Variants in UBXN7 observed in about 807,000 individuals in gnomAD.
UBXN7 encodes the protein UBX domain-containing protein 7.
A neutral mutation model predicts 58.0 loss-of-function variants in UBXN7; 9 were observed. That is an observed-to-expected ratio of 0.16 (90% confidence interval 0.09 to 0.27). The LOEUF is 0.27. Ranked by LOEUF, UBXN7 falls within the 10% of genes least tolerant of loss-of-function variation. UBXN7 has a pLI of 1.00. For missense variants in UBXN7, 328 were observed against 599.6 expected (o/e 0.55, Z 4.73); for synonymous variants, 208 against 205.0 (o/e 1.01, Z -0.12).
chr3:196,432,255 G>A, intron 1 of UBXN7, 72 bp downstream of exon 1: 19 of 1,586,520 alleles, frequency 1.2e-5, no homozygotes, highest in South Asian at 1.1e-4. Flanking sequence ...CTGAAGGTAA[G>A]GGGAAGCCCG....
chr3:196,396,679 C>T (rs1057292064), intron 3 of UBXN7, among the ~76,000 whole-genome samples: 1 of 152,026 alleles, frequency 6.6e-6, no homozygotes, highest in Non-Finnish European at 1.5e-5. Flanking sequence ...AGGAGAACAG[C>T]GTGAACCCAG....
At position 196,361,843 on chromosome 3, in the gene UBXN7, C is replaced by T; in HGVS notation, c.1308+1G>A. The T allele has an allele frequency of 6.2e-7, 1 of 1,613,268 alleles. No homozygotes were observed. Among genetic ancestry groups the T allele is most frequent in the Non-Finnish European group, 8.5e-7 (1 of 1,179,712 alleles). On this transcript the variant is annotated splice_donor_variant, in intron 10 of 10. Coordinates refer to ENST00000296328, the MANE Select transcript of UBXN7 (RefSeq NM_015562.2). LOFTEE classifies it high-confidence loss of function. Reference sequence around the variant, plus strand: ...CTGAACCAAAGCAAGCCTGTACTTACTAGCAGTTTAGCTTGCTCTGGAAGA... The same window carrying T: ...CTGAACCAAAGCAAGCCTGTACTTATTAGCAGTTTAGCTTGCTCTGGAAGA...
At chr3:196,367,938 T>A in intron 8 of UBXN7, 90 bp downstream of exon 8, 1 of 1,519,740 alleles carries the variant, frequency 6.6e-7, no homozygotes, top group Non-Finnish European at 8.9e-7. Context: ...AGTTAGATTA[T>A]CTTTACCATC....
At chr3:196,378,211 T>C (rs1729091264) in intron 5 of UBXN7, among the ~76,000 whole-genome samples, 1 of 152,168 alleles carries the variant, frequency 6.6e-6, no homozygotes, top group South Asian at 2.1e-4. Context: ...TGCTTATAGG[T>C]ACCAAATAAC....
chr3:196,410,391 A>C (rs192474588), intron 1 of UBXN7, among the ~76,000 whole-genome samples: 1 of 152,282 alleles, frequency 6.6e-6, no homozygotes, highest in African/African-American at 2.4e-5. Context: ...CTTCTGTACT[A>C]CTGTCTCTAA....
chr3:196,376,559 AAAAAAAAAAG>A (rs1729031266), intron 5 of UBXN7, among the ~76,000 whole-genome samples: 1 of 150,624 alleles, frequency 6.6e-6, no homozygotes, highest in African/African-American at 2.4e-5. Context: ...AAAAAAAAAA[AAAAAAAAAAG>A]AAAAGAAAAG....
chr3:196,374,038 T>C (rs1038675438), intron 5 of UBXN7, among the ~76,000 whole-genome samples: 8 of 152,184 alleles, frequency 5.3e-5, no homozygotes, highest in Non-Finnish European at 1.5e-5. Flanking sequence ...TTTACTTCCT[T>C]ATAGGACAAA....
chr3:196,383,212 A>G (rs950954409), intron 5 of UBXN7, among the ~76,000 whole-genome samples: 11 of 152,202 alleles, frequency 7.2e-5, no homozygotes, highest in Non-Finnish European at 1.3e-4. Context: ...AGAGACAAAG[A>G]AGGCCATTAC....
chr3:196,368,999 T>C (rs983891074), intron 7 of UBXN7, among the ~76,000 whole-genome samples: 1 of 152,100 alleles, frequency 6.6e-6, no homozygotes, highest in African/African-American at 2.4e-5. Flanking sequence ...ATTTTTTTTG[T>C]ATTTTTAGTA....
intron 5 of UBXN7, among the ~76,000 whole-genome samples, chr3:196,385,481 G>A (rs887597480): frequency 1.7e-4 from 25 of 151,384 alleles, no homozygotes; most frequent in Admixed American, 1.1e-3. Context: ...AGGAAGTGAG[G>A]AGCGTCTCTG....
intron 1 of UBXN7, 49 bp from the exon 2 acceptor site, chr3:196,407,442 GAC>G: frequency 1.1e-6 from 1 of 944,114 alleles, no homozygotes; most frequent in Non-Finnish European, 1.6e-6. Flanking sequence ...AAAAAAAAAA[GAC>G]AGCCTCTTTC....
rs1381408618 is a variant in UBXN7, at chr3:196,432,405, C to T, written c.-6G>A. 1.3e-6 allele frequency: 2 copies of T among 1,560,476 alleles called. No homozygotes were observed. The highest frequency in any genetic ancestry group is 1.8e-5 in the Admixed American group (1 of 56,410). ...GAGCCCCCGTGGGCAGCCATCTTAC[C>T]GCCGCCGCCGCCGCCGAACAACAAC... On this transcript the variant is annotated 5_prime_UTR_variant, in exon 1 of 11. Coordinates refer to ENST00000296328, the MANE Select transcript of UBXN7 (RefSeq NM_015562.2).
chr3:196,381,706 T>C (rs1729211596), intron 5 of UBXN7, among the ~76,000 whole-genome samples: 1 of 152,212 alleles, frequency 6.6e-6, no homozygotes, highest in Non-Finnish European at 1.5e-5. Context: ...TAAAGGAGGA[T>C]GTTCGAACCC....
At chr3:196,387,581 CAA>C (rs1201827293) in intron 5 of UBXN7, among the ~76,000 whole-genome samples, 1 of 151,998 alleles carries the variant, frequency 6.6e-6, no homozygotes, top group Non-Finnish European at 1.5e-5. Flanking sequence ...AGAACTCAAA[CAA>C]ATTTACAAGA....
chr3:196,368,017 A>C lies in UBXN7; in HGVS notation c.834+11T>G. ...TTTATTTTCCCATCACCACCTCCTAATTATACTTACTGAACGGGCACATTT... is the reference window on the plus strand; with the variant it reads ...TTTATTTTCCCATCACCACCTCCTACTTATACTTACTGAACGGGCACATTT... On this transcript the variant is annotated intron_variant, in intron 8 of 10. Transcript: ENST00000296328. 1.9e-6 allele frequency: 3 copies of C among 1,611,138 alleles called. No homozygotes were observed. The highest frequency in any genetic ancestry group is 2.5e-6 in the Non-Finnish European group (3 of 1,179,082).
chr3:196,416,006 T>C (rs1730469692), intron 1 of UBXN7, among the ~76,000 whole-genome samples: 1 of 152,178 alleles, frequency 6.6e-6, no homozygotes, highest in African/African-American at 2.4e-5. Flanking sequence ...CTATTTTGGC[T>C]CTTGTCTAAG....
At position 196,362,545 on chromosome 3, in the gene UBXN7, C is replaced by T; in HGVS notation, c.977G>A (p.Ser326Asn). 6.2e-7 allele frequency: 1 copy of T among 1,614,182 alleles called. No homozygotes were observed. Among genetic ancestry groups the T allele is most frequent in the Non-Finnish European group, 8.5e-7 (1 of 1,180,030 alleles). Residue 326 changes from serine (S) to asparagine (N), a missense_variant, in exon 9 of 11, where the codon AGT (serine) becomes AAT (asparagine). Ser to Asn is a conservative substitution (Grantham distance 46, BLOSUM62 1). Coordinates refer to ENST00000296328, the MANE Select transcript of UBXN7 (RefSeq NM_015562.2). ...EESESELFSG[S>N]EEFISVCGSD... ...GCCACAAACGGATATGAACTCCTCACTGCCAGAAAAAAGTTCAGATTCAGA... is the reference window on the plus strand; with the variant it reads ...GCCACAAACGGATATGAACTCCTCATTGCCAGAAAAAAGTTCAGATTCAGA...
rs553297092 is a variant in UBXN7 at position 196,385,003 on chromosome 3, G to A, written c.468+6810C>T. ...GGGTATTCAATTAGGAAATGAGGAAGTCGCTCTCCCTCTCCCTCTCCCCTT... is the reference window on the plus strand; with the variant it reads ...GGGTATTCAATTAGGAAATGAGGAAATCGCTCTCCCTCTCCCTCTCCCCTT... On this transcript the variant is annotated intron_variant, in intron 5 of 10. Transcript: ENST00000296328. Among the ~76,000 whole-genome samples, 7 of 152,274 alleles carry A rather than the reference G, an allele frequency of 4.6e-5. No homozygotes were observed. The South Asian group carries it at 1.2e-3, about 27-fold the overall frequency.
At chr3:196,423,649 G>A (rs1730756212) in intron 1 of UBXN7, 1 of 152,490 alleles carries the variant, frequency 6.6e-6, no homozygotes, top group South Asian at 2.1e-4. Flanking sequence ...CCCAGTCTTG[G>A]AGACAAGTTG....
Sources: gnomAD v4.1 joint callset for allele counts (sites outside exome capture counted in the v4.1 genomes callset) on GRCh38, gnomAD v4.1.1 for gene constraint, MANE v1.5 for transcripts, NCBI Gene and HGNC (gene_info 2026-07-23, HGNC 2026-07-21) for gene names.